The following OSBP2 variants were observed in gnomAD, a reference collection of about 807,000 sequenced individuals.
OSBP2 encodes the protein oxysterol binding protein 2.
OSBP2 carries 66 observed loss-of-function variants against 96.0 expected under a neutral mutation model. That is an observed-to-expected ratio of 0.69 (90% CI 0.56 to 0.84). OSBP2 has a LOEUF of 0.84. Among genes scored for constraint, OSBP2 ranks in the 40% least tolerant of loss-of-function variants. The pLI is 0.00. For missense variants in OSBP2, 1,038 were observed against 1,222.7 expected, an observed-to-expected ratio of 0.85 and a Z score of 2.25; for synonymous variants, 525 against 520.9, an observed-to-expected ratio of 1.01 and a Z score of -0.11.
intron 3 of OSBP2, among the ~76,000 whole-genome samples, chr22:30,880,209 G>A (rs2147132068): frequency 6.6e-6 from 1 of 152,338 alleles, no homozygotes; most frequent in East Asian, 1.9e-4. Flanking sequence ...AGGCTGGTGA[G>A]AGGCAGGGTC....
intron 1 of OSBP2, among the ~76,000 whole-genome samples, chr22:30,729,467 G>C (rs573954994): frequency 2.0e-5 from 3 of 152,006 alleles, no homozygotes; most frequent in African/African-American, 7.3e-5. Context: ...ATGAAACCCC[G>C]TCTCTACTAA....
chr22:30,862,693 G>A (rs1188902841), intron 2 of OSBP2, among the ~76,000 whole-genome samples: 1 of 151,106 alleles, frequency 6.6e-6, no homozygotes, highest in Admixed American at 6.6e-5. Flanking sequence ...GAAAAAAAAG[G>A]CTAGGCGCGG....
intron 2 of OSBP2, among the ~76,000 whole-genome samples, chr22:30,808,291 A>C (rs1289092045): frequency 2.6e-5 from 4 of 152,036 alleles, no homozygotes; most frequent in Non-Finnish European, 5.9e-5. Flanking sequence ...ACTTGAGCCC[A>C]GGAGTGCAAG....
chr22:30,723,049 G>A (rs1434432054), intron 1 of OSBP2, among the ~76,000 whole-genome samples: 1 of 151,942 alleles, frequency 6.6e-6, no homozygotes, highest in Non-Finnish European at 1.5e-5. Context: ...ACCTTCCAAA[G>A]TGTTGCTGGG....
intron 2 of OSBP2, among the ~76,000 whole-genome samples, chr22:30,812,855 T>G (rs1035126787): frequency 2.9e-4 from 44 of 152,228 alleles, no homozygotes; most frequent in African/African-American, 9.2e-4. Context: ...TTATTCTCAC[T>G]GAGACTGTGT....
chr22:30,736,490 C>T (rs560469761), intron 1 of OSBP2, among the ~76,000 whole-genome samples: 1 of 152,306 alleles, frequency 6.6e-6, no homozygotes, highest in Non-Finnish European at 1.5e-5. Flanking sequence ...AATCCCTGAC[C>T]CTGGGCAGAT....
At chr22:30,816,360 C>T (rs190954295) in intron 2 of OSBP2, among the ~76,000 whole-genome samples, 1 of 152,208 alleles carries the variant, frequency 6.6e-6, no homozygotes, top group East Asian at 1.9e-4. Flanking sequence ...AGGAATCTGT[C>T]GGTGAAAGTA....
In OSBP2 at chr22:30,694,991, C is replaced by A. The variant is rs980055036; in HGVS notation, c.82C>A (p.Pro28Thr). 3 of 1,560,964 alleles carry A rather than the reference C, an allele frequency of 1.9e-6. No homozygotes were observed. The highest frequency in any genetic ancestry group is 3.8e-5 in the Admixed American group (2 of 52,430). ...RGLSSLFTVV[P>T]CLSCHTAAPG... ...GCTCTCGTCGCTGTTCACGGTTGTC[C>A]CCTGCCTGTCGTGCCACACGGCGGC... The change falls in exon 1 of 14, where the codon CCC (proline) becomes ACC (threonine). Residue 28 changes from proline (P) to threonine (T), a missense_variant. Physicochemically the swap from Pro to Thr is conservative, Grantham distance 38. This residue lies in a region of OSBP2 where 281 missense variants were observed against 273.4 expected (regional missense o/e 1.03). Transcript: ENST00000332585.
chr22:30,831,983 T>C (rs1437540702), intron 2 of OSBP2, among the ~76,000 whole-genome samples: 1 of 152,168 alleles, frequency 6.6e-6, no homozygotes, highest in Non-Finnish European at 1.5e-5. Context: ...TGACCCCTGG[T>C]AGCTCTTTCT....
intron 2 of OSBP2, among the ~76,000 whole-genome samples, chr22:30,816,819 C>G (rs1367148745): frequency 6.6e-6 from 1 of 151,196 alleles, no homozygotes; most frequent in Non-Finnish European, 1.5e-5. Context: ...TCACTGCAAC[C>G]TCTGCCTCCC....
chr22:30,873,490 C>T (rs866615576), intron 3 of OSBP2, among the ~76,000 whole-genome samples: 2 of 152,128 alleles, frequency 1.3e-5, no homozygotes, highest in African/African-American at 2.4e-5. Context: ...GGAAGCCACG[C>T]ACCGCAGTCC....
intron 12 of OSBP2, among the ~76,000 whole-genome samples, chr22:30,903,648 T>C (rs757108142): frequency 1.1e-4 from 16 of 152,244 alleles, no homozygotes; most frequent in Non-Finnish European, 1.8e-4. Flanking sequence ...CTGCAGTGAA[T>C]GGCCAGCGGG....
intron 2 of OSBP2, among the ~76,000 whole-genome samples, chr22:30,757,158 C>T (rs746760295): frequency 2.6e-5 from 4 of 152,124 alleles, no homozygotes; most frequent in Non-Finnish European, 4.4e-5. Context: ...CTCCCAGGGA[C>T]GTCCTTGCTA....
intron 2 of OSBP2, among the ~76,000 whole-genome samples, chr22:30,812,241 C>T (rs1845530676): frequency 6.6e-6 from 1 of 152,178 alleles, no homozygotes; most frequent in Admixed American, 6.5e-5. Context: ...TCTCAGCTCA[C>T]TGCAACCTCC....
At chr22:30,891,116 G>A in intron 8 of OSBP2, 143 bp downstream of exon 8, 1 of 1,063,472 alleles carries the variant, frequency 9.4e-7, no homozygotes, top group Non-Finnish European at 1.3e-6. Flanking sequence ...CTGAGGTCCA[G>A]CCAGGGAGCA....
rs1569119423 is a variant in OSBP2, at chr22:30,778,169, C to CTTTTTTTTTT, written c.853+36800_853+36801insTTTTTTTTTT. Among the ~76,000 whole-genome samples, 1,069 of 124,094 alleles carry CTTTTTTTTTT rather than the reference C, an allele frequency of 8.6e-3. 193 individuals carry two copies. Among genetic ancestry groups the CTTTTTTTTTT allele is most frequent in the East Asian group, 0.029 (121 of 4,134 alleles). 81.4% of individuals were successfully genotyped at this position (124,094 alleles called of 152,430 possible). A position where few individuals can be genotyped will look rare whatever the true frequency, so the allele number is the denominator to read the frequency against. ...ACCAGCATGCCCGGCTAATTTTTGCCCTTTTTTTTTTTTTTTTTTTTAGTA... is the reference window on the plus strand; with the variant it reads ...ACCAGCATGCCCGGCTAATTTTTGCCTTTTTTTTTTCTTTTTTTTTTTTTTTTTTTTAGTA... On this transcript the variant is annotated intron_variant, in intron 2 of 13. Coordinates refer to ENST00000332585, the MANE Select transcript of OSBP2 (RefSeq NM_030758.4).
At chr22:30,741,506 C>T in intron 2 of OSBP2, 137 bp downstream of exon 2, 7 of 652,552 alleles carry the variant, frequency 1.1e-5, no homozygotes, top group Non-Finnish European at 1.8e-5. Context: ...GGTCAAGGTG[C>T]GTGCATGTTC....
At chr22:30,824,590 C>G (rs567189068) in intron 2 of OSBP2, among the ~76,000 whole-genome samples, 1 of 152,192 alleles carries the variant, frequency 6.6e-6, no homozygotes, top group South Asian at 2.1e-4. Context: ...GCTGCCTAGC[C>G]CCTGACATCG....
In OSBP2 at chr22:30,870,772, T is replaced by C; in HGVS notation, c.1107+90T>C. On this transcript the variant is annotated intron_variant, in intron 3 of 13. Transcript: ENST00000332585. This position sits in a 1 kb window ranked among gnomAD's most constrained non-coding sequence, Gnocchi z 4.1. ...GGGTGACCAGGGTCAGCTTGAAGGG[T>C]CAGCGTTCCATTTCCTGCGGTTCCA... 1 of 1,372,428 alleles carries C rather than the reference T, an allele frequency of 7.3e-7. No individual in the cohort carries two copies. Among genetic ancestry groups the C allele is most frequent in the South Asian group, 1.3e-5 (1 of 76,280 alleles). 85.0% of individuals were successfully genotyped at this position (1,372,428 alleles called of 1,614,324 possible).
Sources: gnomAD v4.1 joint callset for allele counts (sites outside exome capture counted in the v4.1 genomes callset) on GRCh38, gnomAD v4.1.1 for gene constraint, gnomAD v4.1.1 regional missense constraint, Gnocchi (gnomAD v3.1) non-coding constraint, MANE v1.5 for transcripts, NCBI Gene and HGNC (gene_info 2026-07-23, HGNC 2026-07-21) for gene names.